FAM53A: variants seen among roughly 807,000 people sequenced by gnomAD.
FAM53A encodes protein FAM53A.
In FAM53A, 28 loss-of-function variants were observed where a neutral mutation model predicts 26.6. That is an observed-to-expected ratio of 1.05 (90% CI 0.78 to 1.45). The LOEUF is 1.45. Among genes scored for constraint, FAM53A ranks in the 40% most tolerant of loss-of-function variants. The pLI is 0.00. For synonymous variants in FAM53A, 290 were observed against 253.1 expected (o/e 1.15, Z -1.38); for missense variants, 650 against 575.8 (o/e 1.13, Z -1.32).
the FAM53A span, among the ~76,000 whole-genome samples, chr4:1,603,193 A>G: frequency 6.6e-6 from 1 of 152,072 alleles, no homozygotes; most frequent in Non-Finnish European, 1.5e-5. Flanking sequence ...TGGATAAGAC[A>G]TGGGATGGCA....
At chr4:1,661,598 C>T (rs1235933861) in intron 2 of FAM53A, among the ~76,000 whole-genome samples, 8 of 138,752 alleles carry the variant, frequency 5.8e-5, no homozygotes, top group African/African-American at 2.1e-4. Flanking sequence ...ACCCACCCAT[C>T]CACGTCCCCC....
the FAM53A span, among the ~76,000 whole-genome samples, chr4:1,608,093 C>CA: frequency 6.6e-6 from 1 of 152,146 alleles, no homozygotes; most frequent in South Asian, 2.1e-4. Context: ...GCCTTGGTGA[C>CA]AGAGCAAAAC....
the FAM53A span, among the ~76,000 whole-genome samples, chr4:1,600,160 A>G: frequency 6.6e-6 from 1 of 152,074 alleles, no homozygotes; most frequent in African/African-American, 2.4e-5. Context: ...GGGATGAGCC[A>G]AGCCCTGCTG....
intron 1 of FAM53A, among the ~76,000 whole-genome samples, chr4:1,676,584 C>T (rs1475089804): frequency 6.6e-6 from 1 of 152,156 alleles, no homozygotes; most frequent in African/African-American, 2.4e-5. Context: ...CCCAAACGTG[C>T]AGAGGCCTCA....
At chr4:1,610,937 G>A in the FAM53A span, among the ~76,000 whole-genome samples, 1 of 152,210 alleles carries the variant, frequency 6.6e-6, no homozygotes, top group African/African-American at 2.4e-5. Flanking sequence ...GAGGCCCTCA[G>A]GCTGCCCACA....
At chr4:1,581,962 C>T in the FAM53A span, among the ~76,000 whole-genome samples, 1 of 151,618 alleles carries the variant, frequency 6.6e-6, no homozygotes, top group Non-Finnish European at 1.5e-5. Context: ...GATCACAGCT[C>T]ACTGCAGCCT....
At chr4:1,618,379 T>G (rs1186847026) in intron 1 of FAM53A, among the ~76,000 whole-genome samples, 2 of 152,134 alleles carry the variant, frequency 1.3e-5, no homozygotes, top group Non-Finnish European at 2.9e-5. Context: ...GGAACACCAG[T>G]AACTGTTGGG....
chr4:1,607,948 A>C, the FAM53A span, among the ~76,000 whole-genome samples: 5 of 151,694 alleles, frequency 3.3e-5, no homozygotes, highest in African/African-American at 9.7e-5. Flanking sequence ...CTCAAAAAAA[A>C]AAAAAACACC....
chr4:1,617,825 C>T (rs1169959680), downstream of FAM53A: 1 of 354,550 alleles, frequency 2.8e-6, no homozygotes, highest in Non-Finnish European at 5.6e-6. Flanking sequence ...GCGGTGAGGA[C>T]AGCAGAGCCT....
chr4:1,590,983 T>TATATATAC, the FAM53A span, among the ~76,000 whole-genome samples: 2 of 132,378 alleles, frequency 1.5e-5, no homozygotes, highest in South Asian at 2.4e-4. Context: ...TATATATATA[T>TATATATAC]ATATATATAT....
At chr4:1,662,479 C>A (rs1442131837) in intron 2 of FAM53A, among the ~76,000 whole-genome samples, 4 of 68,304 alleles carry the variant, frequency 5.9e-5, no homozygotes, top group Admixed American at 1.9e-4. Context: ...GATTCCATCA[C>A]AAAAAAAAAA....
intron 1 of FAM53A, among the ~76,000 whole-genome samples, chr4:1,678,236 A>G (rs1183229607): frequency 6.6e-6 from 1 of 152,184 alleles, no homozygotes; most frequent in Non-Finnish European, 1.5e-5. Flanking sequence ...CTAGCTACTT[A>G]GAAGGCAGAG....
the FAM53A span, among the ~76,000 whole-genome samples, chr4:1,582,751 A>C: frequency 6.6e-6 from 1 of 152,322 alleles, no homozygotes; most frequent in African/African-American, 2.4e-5. Context: ...GCTACTAGAG[A>C]GGGTGAGACA....
chr4:1,608,928 G>A, the FAM53A span, among the ~76,000 whole-genome samples: 1 of 152,162 alleles, frequency 6.6e-6, no homozygotes, highest in Non-Finnish European at 1.5e-5. Context: ...GACCATGCGG[G>A]TTTGGAGGCG....
intron 1 of FAM53A, among the ~76,000 whole-genome samples, chr4:1,676,794 G>A (rs1395866844): frequency 6.6e-6 from 1 of 152,204 alleles, no homozygotes; most frequent in Non-Finnish European, 1.5e-5. Context: ...CTCCCAATAC[G>A]GCCGTGTGAA....
At chr4:1,583,227 G>A in the FAM53A span, among the ~76,000 whole-genome samples, 1 of 152,188 alleles carries the variant, frequency 6.6e-6, no homozygotes, top group South Asian at 2.1e-4. Flanking sequence ...CTGGGGAGGG[G>A]ACCAGCACCA....
chr4:1,661,578 T>C (rs1260420526), intron 2 of FAM53A, among the ~76,000 whole-genome samples: 1 of 152,050 alleles, frequency 6.6e-6, no homozygotes, highest in African/African-American at 2.4e-5. Context: ...CACAGTGAGA[T>C]GCTGGCCCCA....
downstream of FAM53A, among the ~76,000 whole-genome samples, chr4:1,638,497 T>C: frequency 6.6e-6 from 1 of 151,578 alleles, no homozygotes; most frequent in Non-Finnish European, 1.5e-5. Flanking sequence ...AGGAGGAGCC[T>C]CCAGCCCCAC....
the FAM53A span, among the ~76,000 whole-genome samples, chr4:1,583,892 GT>G: frequency 6.6e-6 from 1 of 152,224 alleles, no homozygotes; most frequent in African/African-American, 2.4e-5. Flanking sequence ...TGGGTGCAGA[GT>G]TTATCTCACT....
Sources: allele counts gnomAD v4.1 joint callset (sites outside exome capture counted in the v4.1 genomes callset), GRCh38; gene constraint gnomAD v4.1.1; transcripts MANE v1.5; gene names NCBI Gene and HGNC (gene_info 2026-07-23, HGNC 2026-07-21).